BMP7: variants seen among roughly 807,000 people sequenced by gnomAD.
BMP7 encodes the protein osteogenic protein 1.
BMP7 carries 12 observed loss-of-function variants against 41.2 expected under a neutral mutation model. That is an observed-to-expected ratio of 0.29 (90% CI 0.19 to 0.47). The LOEUF (loss-of-function observed/expected upper bound fraction) is 0.47. BMP7 is among the 20% of genes least tolerant of loss of function. BMP7 has a pLI of 0.99. For synonymous variants in BMP7, 248 were observed against 250.0 expected, an observed-to-expected ratio of 0.99 and a Z score of 0.07; for missense variants, 467 against 606.0, an observed-to-expected ratio of 0.77 and a Z score of 2.41.
At chr20:57,238,392 G>C (rs1370302860) in intron 1 of BMP7, among the ~76,000 whole-genome samples, 1 of 152,146 alleles carries the variant, frequency 6.6e-6, no homozygotes, top group Non-Finnish European at 1.5e-5. Context: ...TTGTGATTGC[G>C]AGTAATGCTG....
At chr20:57,195,072 C>T (rs1221886936) in intron 3 of BMP7, among the ~76,000 whole-genome samples, 2 of 152,206 alleles carry the variant, frequency 1.3e-5, no homozygotes, top group African/African-American at 2.4e-5. Context: ...AGGGCCCAGC[C>T]GTGCATCCTG....
At chr20:57,248,059 G>A (rs1358487127) in intron 1 of BMP7, among the ~76,000 whole-genome samples, 1 of 152,178 alleles carries the variant, frequency 6.6e-6, no homozygotes, top group Non-Finnish European at 1.5e-5. Flanking sequence ...ATCTTTCTAT[G>A]AGCTACAGAG....
At position 57,168,947 on chromosome 20, in the gene BMP7, G is replaced by C. The variant is rs551724629; in HGVS notation, c.*2012C>G. 1.4e-4 allele frequency: 6 copies of C among 43,254 alleles called. No homozygotes were observed. The highest frequency in any genetic ancestry group is 6.3e-4 in the South Asian group (1 of 1,596). The allele number at this position is 43,254 out of a possible 1,614,324, so 2.7% of individuals were successfully genotyped here. ...CATCGTCCTGAACGAGGGATTAAAG[G>C]GGGGGGGGTGTTCAAAAGAGCTTTG... On this transcript the variant is annotated 3_prime_UTR_variant, in exon 7 of 7. Coordinates refer to ENST00000395863, the MANE Select transcript of BMP7 (RefSeq NM_001719.3).
chr20:57,200,727 G>A (rs545808556), intron 3 of BMP7, among the ~76,000 whole-genome samples: 18 of 152,278 alleles, frequency 1.2e-4, no homozygotes, highest in East Asian at 1.2e-3. Context: ...CCTGGGAGGC[G>A]GAGGTTATAG....
At chr20:57,209,249 T>TTTTATATATATATATATATATA (rs1407204884) in intron 2 of BMP7, among the ~76,000 whole-genome samples, 1 of 94,876 alleles carries the variant, frequency 1.1e-5, no homozygotes, top group African/African-American at 3.4e-5. Context: ...TTATATATTT[T>TTTTATATATATATATATATATA]TATATATATA....
chr20:57,196,273 C>T (rs1230285566), intron 3 of BMP7, among the ~76,000 whole-genome samples: 1 of 152,122 alleles, frequency 6.6e-6, no homozygotes, highest in Non-Finnish European at 1.5e-5. Context: ...GGAAAATGGG[C>T]GTATTGATTT....
At chr20:57,189,685 T>C (rs1277804881) in intron 3 of BMP7, among the ~76,000 whole-genome samples, 1 of 152,218 alleles carries the variant, frequency 6.6e-6, no homozygotes, top group East Asian at 1.9e-4. Context: ...AACACTGAGA[T>C]AGAAGCATCC....
intron 3 of BMP7, among the ~76,000 whole-genome samples, chr20:57,195,790 A>G (rs1984478085): frequency 6.6e-6 from 1 of 152,236 alleles, no homozygotes; most frequent in Non-Finnish European, 1.5e-5. Context: ...ATGAAGTAAG[A>G]CACGTGCTCT....
intron 4 of BMP7, among the ~76,000 whole-genome samples, chr20:57,179,147 A>C (rs1359269827): frequency 6.6e-6 from 1 of 152,172 alleles, no homozygotes; most frequent in Non-Finnish European, 1.5e-5. Flanking sequence ...GGGCTCTTTG[A>C]TCACGGCTGT....
intron 3 of BMP7, among the ~76,000 whole-genome samples, chr20:57,187,935 G>A (rs1984256237): frequency 1.3e-5 from 2 of 152,064 alleles, no homozygotes; most frequent in African/African-American, 4.8e-5. Flanking sequence ...CACCAAGTTT[G>A]GAAAAAGGTT....
intron 1 of BMP7, among the ~76,000 whole-genome samples, chr20:57,257,058 T>C (rs1185051524): frequency 6.6e-6 from 1 of 152,202 alleles, no homozygotes; most frequent in Non-Finnish European, 1.5e-5. Flanking sequence ...ACCTTATTCG[T>C]AACATTCTGA....
chr20:57,233,313 A>T (rs867930338), intron 1 of BMP7, among the ~76,000 whole-genome samples: 1 of 152,202 alleles, frequency 6.6e-6, no homozygotes, highest in Non-Finnish European at 1.5e-5. Context: ...TCTTCAAAAA[A>T]TTAAAAGGGC....
In BMP7 at chr20:57,170,376, T is replaced by C. The variant is rs949454136; in HGVS notation, c.*583A>G. The C allele has an allele frequency of 1.6e-5, 3 of 182,256 alleles. No homozygotes were observed. The highest frequency in any genetic ancestry group is 2.4e-5 in the African/African-American group (1 of 42,014). The allele number at this position is 182,256 out of a possible 1,614,324, so 11.3% of individuals were successfully genotyped here. A position where few individuals can be genotyped will look rare whatever the true frequency, so the allele number is the denominator to read the frequency against. ...TCTGCAAGCCTCAGGATGAAAACTG[T>C]AGGGAATGGAGAGGGACCTCCCCGC... is the stretch of plus-strand genomic sequence containing the variant. On this transcript the variant is annotated 3_prime_UTR_variant, in exon 7 of 7. Coordinates refer to ENST00000395863, the MANE Select transcript of BMP7 (RefSeq NM_001719.3).
intron 2 of BMP7, among the ~76,000 whole-genome samples, chr20:57,222,839 CT>C (rs1568720770): frequency 5.4e-5 from 4 of 74,210 alleles, no homozygotes; most frequent in African/African-American, 4.9e-4. Flanking sequence ...ACTCCAGAGG[CT>C]TCTGGAAGCT....
chr20:57,217,503 C>T (rs987274076), intron 2 of BMP7, among the ~76,000 whole-genome samples: 4 of 152,292 alleles, frequency 2.6e-5, no homozygotes, highest in Middle Eastern at 3.4e-3. Context: ...TGGCTGTGAC[C>T]CACGTCACTC....
At chr20:57,202,336 C>T in intron 3 of BMP7, 139 bp downstream of exon 3, 1 of 1,221,278 alleles carries the variant, frequency 8.2e-7, no homozygotes, top group South Asian at 1.3e-5. Flanking sequence ...TGGTTTGGAT[C>T]AAAAGGCTGA....
chr20:57,236,729 C>T (rs1439901983), intron 1 of BMP7, among the ~76,000 whole-genome samples: 2 of 151,086 alleles, frequency 1.3e-5, no homozygotes, highest in African/African-American at 2.4e-5. Flanking sequence ...GCTCAGAGAC[C>T]TCAGGAAGCA....
At chr20:57,234,986 C>T (rs1012573314) in intron 1 of BMP7, among the ~76,000 whole-genome samples, 18 of 152,278 alleles carry the variant, frequency 1.2e-4, no homozygotes, top group African/African-American at 4.3e-4. Context: ...GGACACAAAA[C>T]ATTTATTACC....
intron 1 of BMP7, among the ~76,000 whole-genome samples, chr20:57,249,053 G>C (rs141881600): frequency 1.3e-5 from 2 of 151,962 alleles, no homozygotes; most frequent in South Asian, 4.2e-4. Flanking sequence ...TGCCCGCCTC[G>C]GCCTCCCAAA....
Sources: allele counts gnomAD v4.1 joint callset (sites outside exome capture counted in the v4.1 genomes callset), GRCh38; gene constraint gnomAD v4.1.1; transcripts MANE v1.5; gene names NCBI Gene and HGNC (gene_info 2026-07-23, HGNC 2026-07-21).